Variants in SLC25A16 observed in about 807,000 individuals in gnomAD.
SLC25A16 encodes mitochondrial coenzyme A transporter SLC25A16.
A neutral mutation model predicts 41.5 loss-of-function variants in SLC25A16; 39 were observed. The ratio of observed to expected loss-of-function variants is 0.94; its 90% CI spans 0.73 to 1.23. The LOEUF (loss-of-function observed/expected upper bound fraction) is 1.23, where lower values mean the gene tolerates loss of function less well. SLC25A16 is among the 50% of genes most tolerant of loss of function. The pLI is 0.00. For missense variants in SLC25A16, 421 were observed against 426.9 expected (o/e 0.99, Z 0.12); for synonymous variants, 146 against 147.8 (o/e 0.99, Z 0.09).
At chr10:68,489,164 G>C (rs949468871) in intron 6 of SLC25A16, among the ~76,000 whole-genome samples, 1 of 152,160 alleles carries the variant, frequency 6.6e-6, no homozygotes, top group Non-Finnish European at 1.5e-5. Context: ...AGCTACTCGG[G>C]AGGCTGAGGC....
intron 6 of SLC25A16, among the ~76,000 whole-genome samples, chr10:68,492,520 G>A (rs2052676808): frequency 1.3e-5 from 2 of 152,008 alleles, no homozygotes; most frequent in South Asian, 2.1e-4. Context: ...TGCAATCCCA[G>A]CACTTTGGGA....
chr10:68,491,830 A>T (rs1317958968), intron 6 of SLC25A16, among the ~76,000 whole-genome samples: 1 of 151,978 alleles, frequency 6.6e-6, no homozygotes, highest in Non-Finnish European at 1.5e-5. Flanking sequence ...TGATTGATTG[A>T]TTGACTGATT....
intron 7 of SLC25A16, 25 bp from the exon 8 acceptor site, chr10:68,487,237 A>G (rs767077194): frequency 3.7e-5 from 60 of 1,606,510 alleles, no homozygotes; most frequent in Non-Finnish European, 5.1e-5. Flanking sequence ...AGGCATAAAG[A>G]ATTAAAAATT....
At chr10:68,504,645 G>A (rs910939935) in intron 3 of SLC25A16, among the ~76,000 whole-genome samples, 11 of 149,398 alleles carry the variant, frequency 7.4e-5, no homozygotes, top group African/African-American at 2.5e-4. Flanking sequence ...CCAAAGTGCT[G>A]GGGATTACAG....
At chr10:68,491,527 G>C (rs1019329812) in intron 6 of SLC25A16, among the ~76,000 whole-genome samples, 1 of 151,470 alleles carries the variant, frequency 6.6e-6, no homozygotes, top group African/African-American at 2.4e-5. Context: ...ACCGGCCCTT[G>C]TTGTTGCTTT....
At chr10:68,524,578 G>A (rs1469120294) in intron 1 of SLC25A16, among the ~76,000 whole-genome samples, 1 of 149,826 alleles carries the variant, frequency 6.7e-6, no homozygotes, top group Non-Finnish European at 1.5e-5. Flanking sequence ...GCACGGTGGC[G>A]AGCACCTGTA....
chr10:68,527,181 C>A, intron 1 of SLC25A16, 65 bp downstream of exon 1: 1 of 1,502,512 alleles, frequency 6.7e-7, no homozygotes. Flanking sequence ...CGCTTGCATC[C>A]CACTTGCCCA....
intron 1 of SLC25A16, among the ~76,000 whole-genome samples, chr10:68,526,065 A>AGCCCGACACC: frequency 6.6e-6 from 1 of 151,450 alleles, no homozygotes; most frequent in Admixed American, 6.6e-5. Flanking sequence ...AAAGACCTGA[A>AGCCCGACACC]CGTCCCCCAG....
chr10:68,507,731 T>C (rs1053875525), intron 2 of SLC25A16, among the ~76,000 whole-genome samples: 2 of 152,286 alleles, frequency 1.3e-5, no homozygotes, highest in Admixed American at 1.3e-4. Flanking sequence ...ACTACTTCCA[T>C]TATTCAACAA....
chr10:68,502,253 C>T (rs2052860674), intron 4 of SLC25A16, among the ~76,000 whole-genome samples: 1 of 151,516 alleles, frequency 6.6e-6, no homozygotes, highest in African/African-American at 2.4e-5. Flanking sequence ...AATGTCTTTA[C>T]CTTAGAACGG....
chr10:68,515,086 G>A (rs1005687141), intron 2 of SLC25A16, among the ~76,000 whole-genome samples: 1 of 150,590 alleles, frequency 6.6e-6, no homozygotes, highest in African/African-American at 2.4e-5. Flanking sequence ...GCCAGGTGCG[G>A]TGGCTCACAC....
rs913377484 is a variant in SLC25A16 at position 68,512,496 on chromosome 10, G to A, written c.223+4255C>T. 4.2e-4 allele frequency among the ~76,000 whole-genome samples: 54 copies of A among 129,640 alleles called. 8 individuals carry two copies. Among genetic ancestry groups the A allele is most frequent in the African/African-American group, 1.6e-3 (52 of 32,148 alleles). The allele number at this position is 129,640 out of a possible 152,430, so 85.0% of individuals were successfully genotyped here. On this transcript the variant is annotated intron_variant, in intron 2 of 8. Coordinates refer to ENST00000609923, the MANE Select transcript of SLC25A16 (RefSeq NM_152707.4). Reference sequence around the variant, plus strand: ...ACTAAAAAAATACAAAAAATTAGCCGGGCGTAGTGGCGGGCGCCTGTAGTC... The same window carrying A: ...ACTAAAAAAATACAAAAAATTAGCCAGGCGTAGTGGCGGGCGCCTGTAGTC...
intron 4 of SLC25A16, among the ~76,000 whole-genome samples, chr10:68,501,551 G>A (rs1468843839): frequency 6.7e-6 from 1 of 149,040 alleles, no homozygotes; most frequent in Non-Finnish European, 1.5e-5. Context: ...GGAGAGGAGA[G>A]AATGAGGGGA....
chr10:68,510,263 G>T (rs1378314048), intron 2 of SLC25A16, among the ~76,000 whole-genome samples: 1 of 152,068 alleles, frequency 6.6e-6, no homozygotes, highest in Non-Finnish European at 1.5e-5. Context: ...CGGGCACAGT[G>T]GCTGACGCCT....
chr10:68,491,389 C>T (rs1372840662), intron 6 of SLC25A16, among the ~76,000 whole-genome samples: 1 of 151,984 alleles, frequency 6.6e-6, no homozygotes, highest in Admixed American at 6.6e-5. Flanking sequence ...CCACGCCCAG[C>T]TAATTTTGTA....
At chr10:68,520,604 A>C (rs532112610) in intron 1 of SLC25A16, among the ~76,000 whole-genome samples, 4 of 152,096 alleles carry the variant, frequency 2.6e-5, no homozygotes, top group African/African-American at 7.2e-5. Context: ...CTGAGGTCAG[A>C]AGTTCGAAAC....
chr10:68,525,374 G>C (rs1590133560), intron 1 of SLC25A16, among the ~76,000 whole-genome samples: 3 of 152,204 alleles, frequency 2.0e-5, no homozygotes, highest in African/African-American at 2.4e-5. Context: ...GACTTCAAGT[G>C]ATCTGCCCAC....
At chr10:68,519,840 G>A (rs1267416359) in intron 1 of SLC25A16, among the ~76,000 whole-genome samples, 5 of 150,926 alleles carry the variant, frequency 3.3e-5, no homozygotes, top group East Asian at 4.0e-4. Context: ...GCTTGAACCC[G>A]GGAGGCATAG....
At chr10:68,494,790 T>C (rs2052722679) in intron 4 of SLC25A16, among the ~76,000 whole-genome samples, 1 of 148,692 alleles carries the variant, frequency 6.7e-6, no homozygotes, top group South Asian at 2.1e-4. Flanking sequence ...GGCAAGAGAA[T>C]CACTTGAACC....
Sources: gnomAD v4.1 joint callset for allele counts (sites outside exome capture counted in the v4.1 genomes callset) on GRCh38, gnomAD v4.1.1 for gene constraint, MANE v1.5 for transcripts, NCBI Gene and HGNC (gene_info 2026-07-23, HGNC 2026-07-21) for gene names.